The following MYCT1 variants were observed in gnomAD, a reference collection of about 807,000 sequenced individuals.
MYCT1 encodes MYC target 1.
MYCT1 carries 12 observed loss-of-function variants against 15.0 expected under a neutral mutation model. The ratio of observed to expected loss-of-function variants is 0.80; its 90% CI spans 0.51 to 1.29. The LOEUF (loss-of-function observed/expected upper bound fraction) is 1.29. Among genes scored for constraint, MYCT1 ranks in the 50% most tolerant of loss-of-function variants. MYCT1 has a pLI of 0.00. For synonymous variants in MYCT1, 104 were observed against 102.7 expected, an observed-to-expected ratio of 1.01 and a Z score of -0.07; for missense variants, 287 against 279.1, an observed-to-expected ratio of 1.03 and a Z score of -0.20.
chr6:152,738,603 A>C, the MYCT1 span, among the ~76,000 whole-genome samples: 1 of 152,096 alleles, frequency 6.6e-6, no homozygotes, highest in South Asian at 2.1e-4. Flanking sequence ...TTCCTGCTGA[A>C]TATGGAGCGA....
At chr6:152,730,952 T>C in the MYCT1 span, among the ~76,000 whole-genome samples, 1 of 152,170 alleles carries the variant, frequency 6.6e-6, no homozygotes, top group East Asian at 1.9e-4. Context: ...AATAGGCATG[T>C]AGACAAATAA....
intron 1 of MYCT1, among the ~76,000 whole-genome samples, chr6:152,699,377 G>C (rs923076559): frequency 6.6e-6 from 1 of 152,068 alleles, no homozygotes; most frequent in African/African-American, 2.4e-5. Flanking sequence ...GACTGAAAAG[G>C]AAGGATATTG....
the MYCT1 span, among the ~76,000 whole-genome samples, chr6:152,732,446 G>A: frequency 9.7e-6 from 1 of 102,806 alleles, no homozygotes; most frequent in South Asian, 3.1e-4. Context: ...ATTAGCTGTA[G>A]AGAAAAGTCT....
Position 152,723,336 on chromosome 6 carries a change from C to T in MYCT1, c.*1083C>T, listed in dbSNP as rs562565169. ...CAGGAAAAAATCCAATTCATTTGAC[C>T]TAAAAACAAGCCTCAAGTTTAAAAC... is the stretch of plus-strand genomic sequence containing the variant. On this transcript the variant is annotated 3_prime_UTR_variant, in exon 2 of 2. Coordinates refer to ENST00000367245, the MANE Select transcript of MYCT1 (RefSeq NM_025107.3). 6.6e-6 allele frequency: 1 copy of T among 152,284 alleles called. No individual in the cohort carries two copies. Among genetic ancestry groups the T allele is most frequent in the East Asian group, 1.9e-4 (1 of 5,184 alleles). The allele number at this position is 152,284 out of a possible 1,614,324, so 9.4% of individuals were successfully genotyped here.
intron 1 of MYCT1, among the ~76,000 whole-genome samples, chr6:152,719,536 T>C (rs974977932): frequency 5.3e-5 from 8 of 152,196 alleles, no homozygotes; most frequent in African/African-American, 1.4e-4. Flanking sequence ...GATTAAGTGA[T>C]ATAATACACT....
At chr6:152,726,543 T>A (rs1015949738), downstream of MYCT1, among the ~76,000 whole-genome samples, 6 of 152,154 alleles carry the variant, frequency 3.9e-5, no homozygotes, top group Non-Finnish European at 8.8e-5. Flanking sequence ...GTTTTCTAAA[T>A]CACAGTTCGG....
At chr6:152,736,907 T>A in the MYCT1 span, among the ~76,000 whole-genome samples, 1 of 152,112 alleles carries the variant, frequency 6.6e-6, no homozygotes, top group Non-Finnish European at 1.5e-5. Context: ...TTCATATATG[T>A]TTGGAAGTAA....
intron 1 of MYCT1, among the ~76,000 whole-genome samples, chr6:152,714,299 C>CT (rs2099723251): frequency 3.2e-5 from 4 of 123,836 alleles, no homozygotes; most frequent in South Asian, 2.8e-4. Flanking sequence ...TCTATTTTTT[C>CT]TTTTTCTTTT....
At chr6:152,718,652 A>G (rs2099724166) in intron 1 of MYCT1, among the ~76,000 whole-genome samples, 1 of 152,102 alleles carries the variant, frequency 6.6e-6, no homozygotes, top group South Asian at 2.1e-4. Context: ...TATAAATAAC[A>G]TTTATATTGG....
chr6:152,743,219 C>T, the MYCT1 span, among the ~76,000 whole-genome samples: 1 of 152,170 alleles, frequency 6.6e-6, no homozygotes, highest in Non-Finnish European at 1.5e-5. Context: ...GCATGCACCA[C>T]CACGCCCGGC....
the MYCT1 span, among the ~76,000 whole-genome samples, chr6:152,741,812 C>T: frequency 0.22 from 33,243 of 151,902 alleles, 4,475 homozygotes; most frequent in African/African-American, 0.38. Context: ...CGACTATCAT[C>T]GAATGAAACT....
At chr6:152,726,108 A>ATG (rs56186218), downstream of MYCT1, among the ~76,000 whole-genome samples, 91,778 of 151,884 alleles carry the variant, frequency 0.6, 29,269 homozygotes, top group East Asian at 0.79. Context: ...AGTTCAAAGA[A>ATG]AGTGATGGCC....
chr6:152,740,203 A>C, the MYCT1 span, among the ~76,000 whole-genome samples: 1 of 152,006 alleles, frequency 6.6e-6, no homozygotes, highest in African/African-American at 2.4e-5. Context: ...AGCATGCGCC[A>C]CCATGCCCGG....
In MYCT1 at chr6:152,724,312, A is replaced by G. The variant is rs534140989; in HGVS notation, c.*2059A>G. 1 of 151,772 alleles carries G rather than the reference A, an allele frequency of 6.6e-6. No homozygotes were observed. The highest frequency in any genetic ancestry group is 1.5e-5 in the Non-Finnish European group (1 of 67,970). 9.4% of individuals were successfully genotyped at this position (151,772 alleles called of 1,614,324 possible). A position where few individuals can be genotyped will look rare whatever the true frequency, so the allele number is the denominator to read the frequency against. ...TCAGCAAAGAGTATGGTTTTTATCA[A>G]GAATTTGTGTTGGGAGTAAAAACTG... On this transcript the variant is annotated 3_prime_UTR_variant, in exon 2 of 2. Coordinates refer to ENST00000367245, the MANE Select transcript of MYCT1 (RefSeq NM_025107.3).
Position 152,715,768 on chromosome 6 carries a change from T to C in MYCT1, c.197-5974T>C, listed in dbSNP as rs896366259. On this transcript the variant is annotated intron_variant, in intron 1 of 1. Coordinates refer to ENST00000367245, the MANE Select transcript of MYCT1 (RefSeq NM_025107.3). ...ATAGCTGAGGAAATAATTTTAGGAA[T>C]AGATTACAACCAGGGATGGGCCCTA... Among the ~76,000 whole-genome samples, 7 of 152,096 alleles carry C rather than the reference T, an allele frequency of 4.6e-5. No individual in the cohort carries two copies. The East Asian group carries it at 1.3e-3, about 29-fold the overall frequency.
In MYCT1 at chr6:152,706,964, A is replaced by G. The variant is rs184021972; in HGVS notation, c.196+8866A>G. 2.4e-3 allele frequency among the ~76,000 whole-genome samples: 359 copies of G among 152,168 alleles called. 1 individual carries two copies. Among genetic ancestry groups the G allele is most frequent in the South Asian group, 0.013 (64 of 4,824 alleles). On this transcript the variant is annotated intron_variant, in intron 1 of 1. Transcript: ENST00000367245. Reference sequence around the variant, plus strand: ...TTTTGGCCATTGTGACAATGCTGCAATGAACATGGAAGTGCAGATATCTCT... The same window carrying G: ...TTTTGGCCATTGTGACAATGCTGCAGTGAACATGGAAGTGCAGATATCTCT...
chr6:152,723,291 T>C lies in MYCT1; in HGVS notation c.*1038T>C, dbSNP rs1289891557. 1 of 152,220 alleles carries C rather than the reference T, an allele frequency of 6.6e-6. No homozygotes were observed. The highest frequency in any genetic ancestry group is 1.5e-5 in the Non-Finnish European group (1 of 68,032). 9.4% of individuals were successfully genotyped at this position (152,220 alleles called of 1,614,324 possible). ...ATTTACCTTTTCTTCACCGTTGTCG[T>C]TACATTGTTAGAAAAGCAACAGGAA... is the stretch of plus-strand genomic sequence containing the variant. On this transcript the variant is annotated 3_prime_UTR_variant, in exon 2 of 2. Transcript: ENST00000367245.
chr6:152,745,769 G>T, the MYCT1 span, among the ~76,000 whole-genome samples: 28 of 152,284 alleles, frequency 1.8e-4, no homozygotes, highest in South Asian at 5.8e-3. Context: ...TTTAAAACCT[G>T]TCCGTTGCTA....
rs1014564520 is a variant in MYCT1 at position 152,721,996 on chromosome 6, G to T, written c.451G>T (p.Glu151Ter). The T allele has an allele frequency of 1.2e-6, 2 of 1,613,992 alleles. No individual in the cohort carries two copies. Among genetic ancestry groups the T allele is most frequent in the Non-Finnish European group, 8.5e-7 (1 of 1,180,028 alleles). Residue 151 changes from glutamate to a stop codon, truncating the protein, a stop_gained, in exon 2 of 2, where the codon GAA becomes TAA. Transcript: ENST00000367245. LOFTEE classifies it high-confidence loss of function. ...CACCTTCCAGCGACAAGCTTCCCTGGAACAAGCAAATTCCTTTCCAAGAAA... is the reference window on the plus strand; with the variant it reads ...CACCTTCCAGCGACAAGCTTCCCTGTAACAAGCAAATTCCTTTCCAAGAAA... ...SLTFQRQASLEQANSFPRKSS... is the reference protein window; with the variant it reads ...SLTFQRQASL
Sources: gnomAD v4.1 joint callset for allele counts (sites outside exome capture counted in the v4.1 genomes callset) on GRCh38, gnomAD v4.1.1 for gene constraint, MANE v1.5 for transcripts, NCBI Gene and HGNC (gene_info 2026-07-23, HGNC 2026-07-21) for gene names.